The following SIK3 variants were observed in gnomAD, a reference collection of about 807,000 sequenced individuals.
SIK3 encodes SIK family kinase 3.
A neutral mutation model predicts 144.2 loss-of-function variants in SIK3; 28 were observed. That is an observed-to-expected ratio of 0.19 (90% CI 0.14 to 0.27). The LOEUF (loss-of-function observed/expected upper bound fraction) is 0.27, where lower values mean the gene tolerates loss of function less well. SIK3 is among the 10% of genes least tolerant of loss of function. SIK3 has a pLI of 1.00. For synonymous variants in SIK3, 686 were observed against 676.3 expected, an observed-to-expected ratio of 1.01 and a Z score of -0.22; for missense variants, 1,319 against 1,776.0, an observed-to-expected ratio of 0.74 and a Z score of 4.62.
At chr11:117,057,424 G>A (rs1953586742) in intron 1 of SIK3, among the ~76,000 whole-genome samples, 6 of 152,136 alleles carry the variant, frequency 3.9e-5, no homozygotes, top group Admixed American at 3.3e-4. Context: ...TGGAAGCAGT[G>A]GGGAGGAAAA....
At chr11:116,960,762 C>T (rs553821052) in intron 1 of SIK3, among the ~76,000 whole-genome samples, 1 of 152,038 alleles carries the variant, frequency 6.6e-6, no homozygotes, top group Non-Finnish European at 1.5e-5. Context: ...CTAATACATG[C>T]AACCTGATTA....
In SIK3 at chr11:116,876,935, T is replaced by A. The variant is rs376257356; in HGVS notation, c.973A>T (p.Asn325Tyr). 2.5e-6 allele frequency: 4 copies of A among 1,614,000 alleles called. No homozygotes were observed. In the African/African-American group the frequency reaches 5.3e-5, roughly 22 times the overall value. ...GGTTCCCAGCTCACCCTGTCAAAGTTGGGATCGGCGTCCCCTAGCTTCATC... is the reference window on the plus strand; with the variant it reads ...GGTTCCCAGCTCACCCTGTCAAAGTAGGGATCGGCGTCCCCTAGCTTCATC... ...KWMKLGDADP[N>Y]FDRLIAECQQ... Residue 325 changes from asparagine to tyrosine, a missense_variant, in exon 7 of 25, where the codon AAC becomes TAC. By Grantham distance (143) the Asn-to-Tyr change is moderately radical. Around this residue, in one of 8 missense-constraint regions of SIK3, gnomAD observed 34 missense variants for 56.1 expected, o/e 0.61. Coordinates refer to ENST00000445177, the MANE Select transcript of SIK3 (RefSeq NM_001366686.3).
At chr11:117,076,330 C>A (rs76017053) in intron 1 of SIK3, among the ~76,000 whole-genome samples, 58 of 152,256 alleles carry the variant, frequency 3.8e-4, no homozygotes, top group Non-Finnish European at 6.5e-4. Flanking sequence ...AGGACCCCAG[C>A]AAATCATTAA....
intron 4 of SIK3, among the ~76,000 whole-genome samples, chr11:116,926,447 A>G (rs1324700856): frequency 6.6e-6 from 1 of 152,216 alleles, no homozygotes; most frequent in Non-Finnish European, 1.5e-5. Context: ...AAATTTGAGA[A>G]GACAAAAAGC....
chr11:117,041,363 C>A (rs927250513), intron 1 of SIK3, among the ~76,000 whole-genome samples: 3 of 152,204 alleles, frequency 2.0e-5, no homozygotes, highest in African/African-American at 7.2e-5. Context: ...GCCCCACCCT[C>A]ATCTAGCCCT....
intron 1 of SIK3, among the ~76,000 whole-genome samples, chr11:117,034,543 G>A (rs1306221220): frequency 6.6e-6 from 1 of 152,178 alleles, no homozygotes; most frequent in African/African-American, 2.4e-5. Context: ...AATGAGATCA[G>A]TACTGGTGGT....
intron 18 of SIK3, 21 bp downstream of exon 18, chr11:116,861,820 A>C: frequency 6.4e-7 from 1 of 1,557,872 alleles, no homozygotes; most frequent in Admixed American, 1.7e-5. Flanking sequence ...TGGCTTAGGC[A>C]CAACACAAAA....
intron 21 of SIK3, among the ~76,000 whole-genome samples, chr11:116,850,707 T>A (rs186332318): frequency 6.6e-6 from 1 of 152,122 alleles, no homozygotes; most frequent in Admixed American, 6.5e-5. Flanking sequence ...AGTATTATGA[T>A]CTCTTTCACT....
At chr11:117,031,681 CG>C (rs1297656011) in intron 1 of SIK3, among the ~76,000 whole-genome samples, 2 of 140,144 alleles carry the variant, frequency 1.4e-5, no homozygotes, top group Non-Finnish European at 3.1e-5. Context: ...CCACCACACC[CG>C]GCTAATTTTT....
At chr11:117,000,050 G>A (rs7930264) in intron 1 of SIK3, among the ~76,000 whole-genome samples, 56,650 of 152,020 alleles carry the variant, frequency 0.37, 12,907 homozygotes, top group African/African-American at 0.65. Flanking sequence ...TGATATGTAA[G>A]TAAGGTAAAT....
intron 4 of SIK3, among the ~76,000 whole-genome samples, chr11:116,920,743 C>T (rs930754529): frequency 5.3e-5 from 8 of 152,180 alleles, no homozygotes; most frequent in African/African-American, 1.7e-4. Flanking sequence ...GCCTGAACTT[C>T]AGTTCGACAA....
At chr11:117,068,216 A>G in intron 1 of SIK3, among the ~76,000 whole-genome samples, 1 of 152,192 alleles carries the variant, frequency 6.6e-6, no homozygotes, top group East Asian at 1.9e-4. Context: ...CCACACCCCA[A>G]AAATGGCTCC....
chr11:116,861,476 A>AT (rs539019669), intron 18 of SIK3, 93 bp from the exon 19 acceptor site: 367 of 919,636 alleles, frequency 4.0e-4, no homozygotes, highest in South Asian at 7.4e-4. Context: ...AGTGGAAACT[A>AT]TTTTTTTTTA....
rs538318738 is a variant in SIK3, at chr11:116,863,008, A to G, written c.2103+660T>C. On this transcript the variant is annotated intron_variant, in intron 16 of 24. Coordinates refer to ENST00000445177, the MANE Select transcript of SIK3 (RefSeq NM_001366686.3). Reference sequence around the variant, plus strand: ...AGAATCTCTAGAACCCAGGAGGCGGACGATGCAGTGAGCTGAGATTGTGCC... The same window carrying G: ...AGAATCTCTAGAACCCAGGAGGCGGGCGATGCAGTGAGCTGAGATTGTGCC... Among the ~76,000 whole-genome samples, 6 of 152,004 alleles carry G rather than the reference A, an allele frequency of 3.9e-5. No homozygotes were observed. In the East Asian group the frequency reaches 9.7e-4, roughly 25 times the overall value.
At chr11:117,065,559 G>T (rs183428057) in intron 1 of SIK3, among the ~76,000 whole-genome samples, 1 of 152,052 alleles carries the variant, frequency 6.6e-6, no homozygotes, top group Admixed American at 6.5e-5. Context: ...CTATACAGCG[G>T]AGTTGATCAA....
intron 1 of SIK3, among the ~76,000 whole-genome samples, chr11:117,078,811 G>A (rs1379005224): frequency 2.0e-5 from 3 of 151,956 alleles, no homozygotes; most frequent in Non-Finnish European, 4.4e-5. Flanking sequence ...TATCTGCTTC[G>A]ACATCAGTGG....
intron 4 of SIK3, among the ~76,000 whole-genome samples, chr11:116,916,752 C>T (rs1003658250): frequency 1.6e-4 from 24 of 150,890 alleles, no homozygotes; most frequent in African/African-American, 4.6e-4. Context: ...CCTCGTGATC[C>T]GCCCGCCTCG....
At chr11:116,886,380 T>G (rs993395448) in intron 6 of SIK3, among the ~76,000 whole-genome samples, 6 of 152,228 alleles carry the variant, frequency 3.9e-5, no homozygotes, top group Non-Finnish European at 8.8e-5. Context: ...CTAAACAAAG[T>G]GCTTTTAGCC....
chr11:117,037,664 T>A (rs1952570847), intron 1 of SIK3, among the ~76,000 whole-genome samples: 1 of 152,210 alleles, frequency 6.6e-6, no homozygotes, highest in Non-Finnish European at 1.5e-5. Context: ...GATGTGAATC[T>A]GACAGCTTTT....
Sources: allele counts gnomAD v4.1 joint callset (sites outside exome capture counted in the v4.1 genomes callset), GRCh38; gene constraint gnomAD v4.1.1; regional missense constraint gnomAD v4.1.1; transcripts MANE v1.5; gene names NCBI Gene and HGNC (gene_info 2026-07-23, HGNC 2026-07-21).